The following PTPRN2 variants were observed in gnomAD, a reference collection of about 807,000 sequenced individuals.
The protein encoded by PTPRN2 is receptor-type tyrosine-protein phosphatase N2.
In PTPRN2, 74 loss-of-function variants were observed where a neutral mutation model predicts 118.8. The ratio of observed to expected loss-of-function variants is 0.62; its 90% CI spans 0.52 to 0.76. The LOEUF is 0.76. PTPRN2 is among the 30% of genes least tolerant of loss of function. The pLI is 0.00. For missense variants in PTPRN2, 1,481 were observed against 1,394.4 expected (o/e 1.06, Z -0.99); for synonymous variants, 641 against 608.0 (o/e 1.05, Z -0.80).
intron 12 of PTPRN2, among the ~76,000 whole-genome samples, chr7:157,746,592 C>A (rs1225224603): frequency 1.4e-5 from 2 of 146,504 alleles, no homozygotes; most frequent in African/African-American, 2.5e-5. Flanking sequence ...AGATCACGGG[C>A]CTCCATACAC....
At chr7:157,551,811 C>A (rs1394063838) in intron 21 of PTPRN2, among the ~76,000 whole-genome samples, 1 of 148,472 alleles carries the variant, frequency 6.7e-6, no homozygotes, top group African/African-American at 2.5e-5. Context: ...CCACGCACCC[C>A]ACAGCCAGCA....
At chr7:158,331,755 A>T (rs1467244777) in intron 2 of PTPRN2, among the ~76,000 whole-genome samples, 3 of 150,898 alleles carry the variant, frequency 2.0e-5, no homozygotes, top group South Asian at 2.1e-4. Context: ...CGTCACTCAA[A>T]CTCACACTCT....
chr7:158,305,283 A>G (rs1344085942), intron 3 of PTPRN2, among the ~76,000 whole-genome samples: 1 of 152,216 alleles, frequency 6.6e-6, no homozygotes, highest in Non-Finnish European at 1.5e-5. Flanking sequence ...TCTTTCCTTC[A>G]GTGCAGAGGA....
At chr7:158,333,493 A>G (rs1486947404) in intron 2 of PTPRN2, among the ~76,000 whole-genome samples, 2 of 148,608 alleles carry the variant, frequency 1.3e-5, no homozygotes, top group East Asian at 3.9e-4. Context: ...ACACCTGGAG[A>G]CGTCACTCAC....
chr7:158,340,585 C>T (rs1191030921), intron 2 of PTPRN2, among the ~76,000 whole-genome samples: 31 of 117,502 alleles, frequency 2.6e-4, no homozygotes, highest in Admixed American at 1.5e-3. Flanking sequence ...TAAGAGCCGA[C>T]GCCCGCAGAC....
At chr7:158,199,619 G>A (rs976426290) in intron 4 of PTPRN2, among the ~76,000 whole-genome samples, 2 of 152,214 alleles carry the variant, frequency 1.3e-5, no homozygotes, top group Non-Finnish European at 2.9e-5. Flanking sequence ...GCCCATGGTG[G>A]ATTCTTGTTC....
At chr7:158,138,589 G>C (rs1332842391) in intron 6 of PTPRN2, 74 bp from the exon 7 acceptor site, 2 of 1,424,334 alleles carry the variant, frequency 1.4e-6, no homozygotes, top group African/African-American at 2.8e-5. Context: ...AGACCATAGG[G>C]GTGTGGTGGG....
intron 12 of PTPRN2, among the ~76,000 whole-genome samples, chr7:157,799,594 C>T (rs73165860): frequency 0.091 from 13,792 of 152,150 alleles, 700 homozygotes; most frequent in Middle Eastern, 0.14. Flanking sequence ...CCAGGGCCTC[C>T]ACTCCAGCGT....
intron 11 of PTPRN2, among the ~76,000 whole-genome samples, chr7:157,905,005 C>T (rs971181830): frequency 5.3e-5 from 8 of 152,194 alleles, no homozygotes; most frequent in African/African-American, 4.8e-5. Flanking sequence ...GATGCTCCGC[C>T]GGATTTCTCT....
At chr7:158,479,225 G>T (rs1399401777) in intron 2 of PTPRN2, among the ~76,000 whole-genome samples, 1 of 152,044 alleles carries the variant, frequency 6.6e-6, no homozygotes, top group African/African-American at 2.4e-5. Flanking sequence ...CTCAATGTGA[G>T]TGGGGCGGCG....
intron 12 of PTPRN2, among the ~76,000 whole-genome samples, chr7:157,790,748 A>C (rs1563112288): frequency 6.6e-6 from 1 of 152,032 alleles, no homozygotes; most frequent in Non-Finnish European, 1.5e-5. Flanking sequence ...ACAAAACCTA[A>C]GCTATTTTTT....
intron 1 of PTPRN2, among the ~76,000 whole-genome samples, chr7:158,543,026 G>C (rs1285343322): frequency 6.6e-6 from 1 of 152,204 alleles, no homozygotes; most frequent in African/African-American, 2.4e-5. Flanking sequence ...TCAGAATAAG[G>C]AAAGGTTAGA....
intron 14 of PTPRN2, among the ~76,000 whole-genome samples, chr7:157,655,586 C>T (rs561483880): frequency 2.2e-4 from 34 of 152,342 alleles, no homozygotes; most frequent in Admixed American, 1.0e-3. Flanking sequence ...AGTGCAGCCG[C>T]TGCTTCGGCC....
At chr7:158,477,563 C>T (rs1423632600) in intron 2 of PTPRN2, among the ~76,000 whole-genome samples, 1 of 152,138 alleles carries the variant, frequency 6.6e-6, no homozygotes, top group African/African-American at 2.4e-5. Context: ...AACATCTTCC[C>T]TTTTCATAAA....
chr7:157,972,177 C>T (rs181321387), intron 11 of PTPRN2, among the ~76,000 whole-genome samples: 156 of 152,296 alleles, frequency 1.0e-3, no homozygotes, highest in Admixed American at 2.3e-3. Flanking sequence ...GTGTAAAAGG[C>T]GTTCACTAGA....
chr7:157,555,074 C>T (rs1471055217), intron 21 of PTPRN2, among the ~76,000 whole-genome samples: 6 of 149,650 alleles, frequency 4.0e-5, no homozygotes, highest in Non-Finnish European at 5.9e-5. Flanking sequence ...ACCCACCTCT[C>T]TCGTGTTAGT....
rs1372960336 is a variant in PTPRN2 at position 158,135,656 on chromosome 7, C to CT, written c.1173+998dup. On this transcript the variant is annotated intron_variant, in intron 8 of 22. Coordinates refer to ENST00000389418, the MANE Select transcript of PTPRN2 (RefSeq NM_002847.5). ...GCTCCCTGCCCCTCAGGTGGGAGGG[C>CT]TGGGTCTCCCCGACTCCCTAAATTA... Among the ~76,000 whole-genome samples, 22 of 152,264 alleles carry CT rather than the reference C, an allele frequency of 1.4e-4. No individual in the cohort carries two copies. In the East Asian group the frequency reaches 4.3e-3, roughly 29 times the overall value.
chr7:158,564,989 G>C (rs960214211), intron 1 of PTPRN2, among the ~76,000 whole-genome samples: 3 of 152,190 alleles, frequency 2.0e-5, no homozygotes, highest in Admixed American at 1.3e-4. Flanking sequence ...CCCTGCGCAG[G>C]CCCTGCCCCA....
intron 21 of PTPRN2, among the ~76,000 whole-genome samples, chr7:157,555,097 C>T (rs116552307): frequency 5.7e-4 from 87 of 152,340 alleles, no homozygotes; most frequent in African/African-American, 2.0e-3. Context: ...ACCAGGGAGG[C>T]AGCCACAGAC....
Sources: allele counts gnomAD v4.1 joint callset (sites outside exome capture counted in the v4.1 genomes callset), GRCh38; gene constraint gnomAD v4.1.1; transcripts MANE v1.5; gene names NCBI Gene and HGNC (gene_info 2026-07-23, HGNC 2026-07-21).